Variants in HS6ST1 observed in about 807,000 individuals in gnomAD.
HS6ST1 encodes the protein heparan-sulfate 6-O-sulfotransferase 1.
Under a neutral mutation model 25.2 loss-of-function variants are expected in HS6ST1, and 3 were observed. The observed-to-expected ratio is 0.12, with a 90% CI of 0.05 to 0.31. The LOEUF is 0.31. Ranked by LOEUF, HS6ST1 falls within the 10% of genes least tolerant of loss-of-function variation. The pLI, the probability that HS6ST1 is intolerant of heterozygous loss-of-function variation, is 1.00. For synonymous variants in HS6ST1, 204 were observed against 275.1 expected (o/e 0.74, Z 2.56); for missense variants, 310 against 609.6 (o/e 0.51, Z 5.18).
At chr2:128,311,134 G>C (rs1050877830) in intron 1 of HS6ST1, among the ~76,000 whole-genome samples, 1 of 152,130 alleles carries the variant, frequency 6.6e-6, no homozygotes, top group African/African-American at 2.4e-5. Context: ...CTAGGTCTAG[G>C]ACTATTTTTT....
chr2:128,298,059 C>A (rs910936457), intron 1 of HS6ST1, among the ~76,000 whole-genome samples: 3 of 125,750 alleles, frequency 2.4e-5, no homozygotes, highest in Admixed American at 7.3e-5. Context: ...CAATGGCCAA[C>A]AAGCAGATAT....
At chr2:128,275,640 G>T (rs1693682947) in intron 1 of HS6ST1, among the ~76,000 whole-genome samples, 1 of 152,224 alleles carries the variant, frequency 6.6e-6, no homozygotes, top group South Asian at 2.1e-4. Flanking sequence ...AGTTACCAAG[G>T]CAGAGGCACA....
At chr2:128,281,247 A>G (rs1026054269) in intron 1 of HS6ST1, among the ~76,000 whole-genome samples, 1 of 152,174 alleles carries the variant, frequency 6.6e-6, no homozygotes, top group African/African-American at 2.4e-5. Context: ...TACCTCTAGC[A>G]AAGTGTGGCA....
intron 1 of HS6ST1, among the ~76,000 whole-genome samples, chr2:128,293,112 CA>C (rs1316841688): frequency 1.3e-5 from 2 of 152,202 alleles, no homozygotes; most frequent in Admixed American, 6.5e-5. Context: ...CCTCCCTCCC[CA>C]AAGGCTGGGC....
At chr2:128,288,415 C>T (rs1693899073) in intron 1 of HS6ST1, among the ~76,000 whole-genome samples, 1 of 152,184 alleles carries the variant, frequency 6.6e-6, no homozygotes, top group Admixed American at 6.5e-5. Context: ...ATACCTACGC[C>T]CGGTGACTCC....
intron 1 of HS6ST1, among the ~76,000 whole-genome samples, chr2:128,271,236 A>C (rs1411527557): frequency 1.3e-5 from 2 of 152,248 alleles, no homozygotes; most frequent in African/African-American, 4.8e-5. Flanking sequence ...GGCACCCTGC[A>C]GATGGGGTCT....
intron 1 of HS6ST1, among the ~76,000 whole-genome samples, chr2:128,272,509 A>G (rs1180403209): frequency 2.0e-5 from 3 of 152,316 alleles, no homozygotes; most frequent in African/African-American, 7.2e-5. Flanking sequence ...CAGCAGGCTC[A>G]GTTACCACGT....
chr2:128,316,255 C>T (rs1694361142), intron 1 of HS6ST1, among the ~76,000 whole-genome samples: 1 of 152,242 alleles, frequency 6.6e-6, no homozygotes, highest in Non-Finnish European at 1.5e-5. Flanking sequence ...CAATCTAGGG[C>T]TGAGGTGGCC....
chr2:128,307,802 G>A (rs1334966284), intron 1 of HS6ST1, among the ~76,000 whole-genome samples: 2 of 152,150 alleles, frequency 1.3e-5, no homozygotes, highest in Non-Finnish European at 2.9e-5. Flanking sequence ...GCATGGTGGT[G>A]AGGAGAACCT....
At position 128,299,699 on chromosome 2, in the gene HS6ST1, G is replaced by A. The variant is rs953463273; in HGVS notation, c.527+18338C>T. ...CTGGGGCACAGAGGGTAATCACAGT[G>A]GGCCAGGCCTGCCTGGAAAGACCCC... On this transcript the variant is annotated intron_variant, in intron 1 of 1. Transcript: ENST00000259241. Among the ~76,000 whole-genome samples the A allele has an allele frequency of 5.9e-5, 9 of 152,216 alleles. 1 individual carries two copies. Among genetic ancestry groups the A allele is most frequent in the Admixed American group, 5.2e-4 (8 of 15,284 alleles).
intron 1 of HS6ST1, chr2:128,290,033 T>C (rs548980049): frequency 3.1e-4 from 47 of 152,276 alleles, no homozygotes; most frequent in African/African-American, 1.0e-3. Context: ...TAACTACATA[T>C]ATAAATATAC....
At chr2:128,291,070 C>A (rs1046757548) in intron 1 of HS6ST1, among the ~76,000 whole-genome samples, 1 of 152,212 alleles carries the variant, frequency 6.6e-6, no homozygotes, top group African/African-American at 2.4e-5. Flanking sequence ...GATGCATTCC[C>A]TCTAAGATCA....
Position 128,292,440 on chromosome 2 carries a change from C to T in HS6ST1, c.528-23570G>A, listed in dbSNP as rs909939571. Among the ~76,000 whole-genome samples the T allele has an allele frequency of 1.4e-4, 22 of 152,298 alleles. No individual in the cohort carries two copies. In the South Asian group the frequency reaches 2.1e-3, roughly 14 times the overall value. On this transcript the variant is annotated intron_variant, in intron 1 of 1. Transcript: ENST00000259241. ...AGTCTGGACACAGAACAACCCGGGGCGAGACACGTACTGGAGAAGACTGTG... is the reference window on the plus strand; with the variant it reads ...AGTCTGGACACAGAACAACCCGGGGTGAGACACGTACTGGAGAAGACTGTG...
intron 1 of HS6ST1, among the ~76,000 whole-genome samples, chr2:128,279,594 C>T (rs2104916509): frequency 6.6e-6 from 1 of 152,182 alleles, no homozygotes; most frequent in African/African-American, 2.4e-5. Context: ...AGAGGCCACA[C>T]CATGAAGGTT....
Position 128,268,146 on chromosome 2 carries a change from G to C in HS6ST1, c.*16C>G. On this transcript the variant is annotated 3_prime_UTR_variant, in exon 2 of 2. Coordinates refer to ENST00000259241, the MANE Select transcript of HS6ST1 (RefSeq NM_004807.3). ...CCCACACCCCCCAAGAGGCCTCCCCGTGGCCACCACCGCCACTACCACTTC... is the reference window on the plus strand; with the variant it reads ...CCCACACCCCCCAAGAGGCCTCCCCCTGGCCACCACCGCCACTACCACTTC... The C allele has an allele frequency of 1.9e-6, 3 of 1,577,840 alleles. No homozygotes were observed. The highest frequency in any genetic ancestry group is 2.6e-6 in the Non-Finnish European group (3 of 1,157,548).
chr2:128,315,117 A>T (rs1694342351), intron 1 of HS6ST1, among the ~76,000 whole-genome samples: 1 of 152,198 alleles, frequency 6.6e-6, no homozygotes, highest in Admixed American at 6.5e-5. Flanking sequence ...GGAGTCTTAC[A>T]AGCACCCTGG....
At chr2:128,278,746 TA>T (rs1693734424) in intron 1 of HS6ST1, among the ~76,000 whole-genome samples, 1 of 152,144 alleles carries the variant, frequency 6.6e-6, no homozygotes, top group Non-Finnish European at 1.5e-5. Flanking sequence ...CATGGTTTTG[TA>T]AGATATATAC....
chr2:128,268,396 G>C lies in HS6ST1; in HGVS notation c.1002C>G (p.Ile334Met). The change falls in exon 2 of 2, where the codon ATC (isoleucine) becomes ATG (methionine). Residue 334 changes from isoleucine to methionine, a missense_variant. Transcript: ENST00000259241. ...AGGVEVDEDT[I>M]RRIEELNDLD... ...GGTCGTTGAGCTCCTCGATGCGCCG[G>C]ATGGTGTCTTCATCCACCTCCACGC... 1 of 1,613,674 alleles carries C rather than the reference G, an allele frequency of 6.2e-7. No individual in the cohort carries two copies. The highest frequency in any genetic ancestry group is 1.3e-5 in the African/African-American group (1 of 75,052).
chr2:128,289,648 T>TC (rs1451675405), intron 1 of HS6ST1: 1 of 152,170 alleles, frequency 6.6e-6, no homozygotes, highest in Non-Finnish European at 1.5e-5. Context: ...CCTGACGAGT[T>TC]CCCCAAGGAA....
Sources: allele counts gnomAD v4.1 joint callset (sites outside exome capture counted in the v4.1 genomes callset), GRCh38; gene constraint gnomAD v4.1.1; transcripts MANE v1.5; gene names NCBI Gene and HGNC (gene_info 2026-07-23, HGNC 2026-07-21).